TMTC3: variants seen among roughly 807,000 people sequenced by gnomAD.
The protein encoded by TMTC3 is transmembrane O-mannosyltransferase targeting cadherins 3.
In TMTC3, 52 loss-of-function variants were observed where a neutral mutation model predicts 92.2. That is an observed-to-expected ratio of 0.56 (90% CI 0.45 to 0.71). The LOEUF (loss-of-function observed/expected upper bound fraction) is 0.71, where lower values mean the gene tolerates loss of function less well. Ranked by LOEUF, TMTC3 falls within the 30% of genes least tolerant of loss-of-function variation. TMTC3 has a pLI of 0.00. For synonymous variants in TMTC3, 339 were observed against 363.3 expected, an observed-to-expected ratio of 0.93 and a Z score of 0.76; for missense variants, 896 against 1,057.1, an observed-to-expected ratio of 0.85 and a Z score of 2.11.
intron 12 of TMTC3, among the ~76,000 whole-genome samples, chr12:88,191,836 A>G (rs2041446450): frequency 6.6e-6 from 1 of 151,704 alleles, no homozygotes; most frequent in South Asian, 2.1e-4. Flanking sequence ...CAGCCTCACT[A>G]TTAGCTGGGA....
intron 6 of TMTC3, among the ~76,000 whole-genome samples, chr12:88,164,717 T>C (rs2041123548): frequency 1.3e-5 from 2 of 152,216 alleles, no homozygotes; most frequent in African/African-American, 4.8e-5. Context: ...CAAGAACTTT[T>C]ATTTTTAACA....
chr12:88,186,930 G>C (rs1315676901), intron 10 of TMTC3, among the ~76,000 whole-genome samples: 1 of 151,924 alleles, frequency 6.6e-6, no homozygotes, highest in Non-Finnish European at 1.5e-5. Flanking sequence ...TGATTTCAAT[G>C]GATAGTAATT....
intron 10 of TMTC3, among the ~76,000 whole-genome samples, chr12:88,184,637 T>C (rs1300881298): frequency 6.6e-6 from 1 of 152,212 alleles, no homozygotes; most frequent in East Asian, 1.9e-4. Flanking sequence ...GGGCACGTAT[T>C]TGAGAATTTA....
chr12:88,159,731 A>G (rs2041054119), intron 4 of TMTC3, among the ~76,000 whole-genome samples: 1 of 151,446 alleles, frequency 6.6e-6, no homozygotes, highest in South Asian at 2.1e-4. Context: ...TTAATAATTT[A>G]TCAGTTTAAT....
chr12:88,153,435 A>G lies in TMTC3; in HGVS notation c.334A>G (p.Lys112Glu), dbSNP rs1194261440. The G allele has an allele frequency of 1.2e-6, 2 of 1,613,564 alleles. No individual in the cohort carries two copies. Among genetic ancestry groups the G allele is most frequent in the Admixed American group, 3.3e-5 (2 of 59,992 alleles). ...VVSVIFLKVC[K>E]LFLDNKSSVI... ...TAGTGTGATATTTCTCAAAGTATGC[A>G]AACTTTTTCTGGACAACAAGAGTAG... Residue 112 changes from lysine (K) to glutamate (E), a missense_variant, in exon 3 of 14, where the codon AAA (lysine) becomes GAA (glutamate). Physicochemically the swap from Lys to Glu is moderately conservative, Grantham distance 56. Coordinates refer to ENST00000266712, the MANE Select transcript of TMTC3 (RefSeq NM_181783.4).
chr12:88,195,065 G>A lies in TMTC3; in HGVS notation c.2161G>A (p.Ala721Thr), dbSNP rs1345636512. ...TTCCCAGACTGCAAAGGAATTAAAG[G>A]CTTTGCCAATTTTGGAGGAGTTACT... ...LYSQTAKELK[A>T]LPILEELLRY... Residue 721 changes from alanine (A) to threonine (T), a missense_variant, in exon 14 of 14, where the codon GCT becomes ACT. Ala to Thr is a moderately conservative substitution (Grantham distance 58, BLOSUM62 0). Transcript: ENST00000266712. 26 of 1,613,684 alleles carry A rather than the reference G, an allele frequency of 1.6e-5. No homozygotes were observed. The highest frequency in any genetic ancestry group is 2.2e-5 in the Non-Finnish European group (26 of 1,179,914).
Position 88,177,484 on chromosome 12 carries a change from C to T in TMTC3, c.1432+1165C>T, listed in dbSNP as rs955537881. Among the ~76,000 whole-genome samples, 17 of 152,002 alleles carry T rather than the reference C, an allele frequency of 1.1e-4. 1 individual carries two copies. Among genetic ancestry groups the T allele is most frequent in the Admixed American group, 3.9e-4 (6 of 15,234 alleles). ...TAAGGAGTGAATAAATGATGAGCCA[C>T]AGAATCTAAGCTGGTTAAGAAGGGA... On this transcript the variant is annotated intron_variant, in intron 10 of 13. Transcript: ENST00000266712.
At chr12:88,144,657 A>T (rs546682083) in intron 1 of TMTC3, among the ~76,000 whole-genome samples, 1 of 152,264 alleles carries the variant, frequency 6.6e-6, no homozygotes, top group African/African-American at 2.4e-5. Context: ...CTAAAAGCAA[A>T]ATCTTACCTA....
intron 10 of TMTC3, among the ~76,000 whole-genome samples, chr12:88,188,251 CT>C (rs1399871089): frequency 6.6e-6 from 1 of 152,068 alleles, no homozygotes; most frequent in Non-Finnish European, 1.5e-5. Context: ...CTCTTTGCCC[CT>C]GTTCCACCAT....
chr12:88,153,262 A>G, intron 2 of TMTC3, 29 bp from the exon 3 acceptor site: 12 of 1,546,088 alleles, frequency 7.8e-6, no homozygotes, highest in South Asian at 7.0e-5. Flanking sequence ...AAGGTACTTT[A>G]ATAATCACTG....
chr12:88,195,299 G>A lies in TMTC3; in HGVS notation c.2395G>A (p.Ala799Thr). Reference protein sequence around the residue: ...KAERCLLETLALAPHEEYIQR... With the variant: ...KAERCLLETLTLAPHEEYIQR... The stretch of plus-strand genomic sequence containing the variant: ...TGAAAGATGCCTTCTTGAAACACTG[G>A]CATTAGCACCACATGAAGAATATAT... The change falls in exon 14 of 14, where the codon GCA (alanine) becomes ACA (threonine). Residue 799 changes from alanine to threonine, a missense_variant. Physicochemically the swap from Ala to Thr is moderately conservative, Grantham distance 58 (BLOSUM62 0). Coordinates refer to ENST00000266712, the MANE Select transcript of TMTC3 (RefSeq NM_181783.4). 6.2e-7 allele frequency: 1 copy of A among 1,613,838 alleles called. No homozygotes were observed. The highest frequency in any genetic ancestry group is 1.3e-5 in the African/African-American group (1 of 75,012).
At chr12:88,150,476 A>AT (rs2040929502) in intron 2 of TMTC3, among the ~76,000 whole-genome samples, 1 of 152,138 alleles carries the variant, frequency 6.6e-6, no homozygotes, top group African/African-American at 2.4e-5. Context: ...CTGTTCAGTG[A>AT]TTTTCTCAGC....
chr12:88,144,725 A>G (rs1043434810), intron 1 of TMTC3, among the ~76,000 whole-genome samples: 1 of 152,196 alleles, frequency 6.6e-6, no homozygotes, highest in Non-Finnish European at 1.5e-5. Flanking sequence ...TGTGCTAGGC[A>G]CTGGGGATAC....
chr12:88,178,792 A>G (rs2041286510), intron 10 of TMTC3, among the ~76,000 whole-genome samples: 1 of 152,174 alleles, frequency 6.6e-6, no homozygotes, highest in Non-Finnish European at 1.5e-5. Context: ...GGGCTTTGAG[A>G]CTGAGATGTT....
At chr12:88,163,892 G>A (rs765570874) in intron 6 of TMTC3, among the ~76,000 whole-genome samples, 5 of 151,894 alleles carry the variant, frequency 3.3e-5, no homozygotes, top group Non-Finnish European at 7.4e-5. Context: ...ACATATATGT[G>A]CTGATTTGAA....
chr12:88,167,401 C>T (rs2041156778), intron 7 of TMTC3, among the ~76,000 whole-genome samples: 1 of 151,894 alleles, frequency 6.6e-6, no homozygotes, highest in Admixed American at 6.6e-5. Context: ...AATACTCTTT[C>T]TCAAAAAAAC....
chr12:88,159,403 A>G (rs2041049235), intron 4 of TMTC3, among the ~76,000 whole-genome samples: 1 of 152,148 alleles, frequency 6.6e-6, no homozygotes, highest in African/African-American at 2.4e-5. Flanking sequence ...GCTAGACACA[A>G]TGGCTCGTGC....
intron 6 of TMTC3, among the ~76,000 whole-genome samples, chr12:88,162,353 A>G (rs2041090169): frequency 6.6e-6 from 1 of 152,130 alleles, no homozygotes; most frequent in African/African-American, 2.4e-5. Flanking sequence ...TTAATTTTGT[A>G]AAAATTTTGG....
chr12:88,161,781 T>C (rs1361299322), intron 6 of TMTC3, among the ~76,000 whole-genome samples: 4 of 151,310 alleles, frequency 2.6e-5, no homozygotes. Context: ...CTTCAAGGAA[T>C]ATTCTAATTT....
Sources: allele counts gnomAD v4.1 joint callset (sites outside exome capture counted in the v4.1 genomes callset), GRCh38; gene constraint gnomAD v4.1.1; transcripts MANE v1.5; gene names NCBI Gene and HGNC (gene_info 2026-07-23, HGNC 2026-07-21).